Variants in SRFBP1 observed in about 807,000 individuals in gnomAD.
The protein encoded by SRFBP1 is serum response factor-binding protein 1.
In SRFBP1, 47 loss-of-function variants were observed where a neutral mutation model predicts 45.5. The observed-to-expected ratio is 1.03, with a 90% CI of 0.82 to 1.32. The LOEUF (loss-of-function observed/expected upper bound fraction) is 1.32. Among genes scored for constraint, SRFBP1 ranks in the 40% most tolerant of loss-of-function variants. The pLI is 0.00. For missense variants in SRFBP1, 621 were observed against 484.6 expected (o/e 1.28, Z -2.64); for synonymous variants, 203 against 166.3 (o/e 1.22, Z -1.70).
At chr5:122,062,342 C>G (rs914205154) in intron 2 of SRFBP1, among the ~76,000 whole-genome samples, 2 of 151,884 alleles carry the variant, frequency 1.3e-5, no homozygotes, top group Non-Finnish European at 2.9e-5. Context: ...GTGATTTATT[C>G]AACCTGTGTG....
rs1753516178 is a variant in SRFBP1 at position 122,027,803 on chromosome 5, T to A, written c.*677T>A. ...CATGTACTTTTTGATTCTAAAATAG[T>A]TGTCTAGGACAATTTTGGGATTCTT... On this transcript the variant is annotated 3_prime_UTR_variant, in exon 8 of 8. Coordinates refer to ENST00000339397, the MANE Select transcript of SRFBP1 (RefSeq NM_152546.3). 6.6e-6 allele frequency: 1 copy of A among 152,158 alleles called. No individual in the cohort carries two copies. 9.4% of individuals were successfully genotyped at this position (152,158 alleles called of 1,614,324 possible). A position where few individuals can be genotyped will look rare whatever the true frequency, so the allele number is the denominator to read the frequency against.
intron 4 of SRFBP1, among the ~76,000 whole-genome samples, chr5:121,995,742 TC>T (rs1263204691): frequency 1.3e-5 from 2 of 151,260 alleles, no homozygotes; most frequent in Middle Eastern, 3.4e-3. Context: ...TTTGAAAGGA[TC>T]AACAAAATTG....
At chr5:121,975,065 A>C (rs1389296785) in intron 2 of SRFBP1, among the ~76,000 whole-genome samples, 1 of 151,962 alleles carries the variant, frequency 6.6e-6, no homozygotes. Context: ...AAGGCAAACT[A>C]TCAAAAGTAA....
intron 1 of SRFBP1, among the ~76,000 whole-genome samples, chr5:121,968,635 G>T (rs889473103): frequency 2.0e-5 from 3 of 152,132 alleles, no homozygotes; most frequent in Non-Finnish European, 4.4e-5. Context: ...ATAATCTTGT[G>T]TGTAGCCTTT....
chr5:122,007,383 T>G (rs925873411), intron 4 of SRFBP1, among the ~76,000 whole-genome samples: 1 of 151,476 alleles, frequency 6.6e-6, no homozygotes, highest in Admixed American at 6.6e-5. Flanking sequence ...CCATGGGGGC[T>G]GGCTGGGTAT....
At position 122,070,264 on chromosome 5, in the gene SRFBP1, G is replaced by T; in HGVS notation, n.312-5051G>T. 3 of 762,568 alleles carry T rather than the reference G, an allele frequency of 3.9e-6. No individual in the cohort carries two copies. In the South Asian group the frequency reaches 4.7e-5, roughly 12 times the overall value. 47.2% of individuals were successfully genotyped at this position (762,568 alleles called of 1,614,324 possible). A position where few individuals can be genotyped will look rare whatever the true frequency, so the allele number is the denominator to read the frequency against. Reference sequence around the variant, plus strand: ...ACTTAGCTAAATCAAGCAGGGAAGGGATTTTAACTTAAGTAAGTGGTTAAA... The same window carrying T: ...ACTTAGCTAAATCAAGCAGGGAAGGTATTTTAACTTAAGTAAGTGGTTAAA... On this transcript the variant is annotated intron_variant and non_coding_transcript_variant, in intron 2 of 2. Coordinates refer to the SRFBP1 transcript ENST00000504881.
chr5:121,990,191 T>C (rs1382778994), intron 3 of SRFBP1, among the ~76,000 whole-genome samples: 1 of 151,994 alleles, frequency 6.6e-6, no homozygotes, highest in Admixed American at 6.6e-5. Context: ...CAATGGTAGA[T>C]TGAATAAAGA....
intron 2 of SRFBP1, chr5:122,064,763 T>C (rs1452211529): frequency 1.3e-5 from 2 of 151,992 alleles, no homozygotes; most frequent in Non-Finnish European, 2.9e-5. Context: ...TGGCATATAT[T>C]AGGCCTTCAA....
chr5:121,974,580 T>C (rs1752264512), intron 2 of SRFBP1, among the ~76,000 whole-genome samples: 2 of 151,916 alleles, frequency 1.3e-5, no homozygotes, highest in South Asian at 2.1e-4. Flanking sequence ...TTTTGTGTTA[T>C]CAGAAGTTAT....
In SRFBP1 at chr5:122,027,412, A is replaced by AT. The variant is rs11392277; in HGVS notation, c.*295dup. 0.041 allele frequency: 7,838 copies of AT among 189,826 alleles called. 188 individuals carry two copies. Among genetic ancestry groups the AT allele is most frequent in the African/African-American group, 0.06 (2,589 of 42,802 alleles). The allele number at this position is 189,826 out of a possible 1,614,324, so 11.8% of individuals were successfully genotyped here. On this transcript the variant is annotated 3_prime_UTR_variant, in exon 8 of 8. Coordinates refer to ENST00000339397, the MANE Select transcript of SRFBP1 (RefSeq NM_152546.3). ...AGAATTATAGAATGTTTGTTTTTGTATTTTTTTTTAAAGTAAATTCAACTT... is the reference window on the plus strand; with the variant it reads ...AGAATTATAGAATGTTTGTTTTTGTATTTTTTTTTTAAAGTAAATTCAACTT...
At chr5:122,009,371 C>T (rs750158188) in intron 4 of SRFBP1, among the ~76,000 whole-genome samples, 1 of 152,012 alleles carries the variant, frequency 6.6e-6, no homozygotes, top group Non-Finnish European at 1.5e-5. Flanking sequence ...ATACAATTTC[C>T]TCATTTTAAT....
chr5:122,007,676 G>A (rs547210974), intron 4 of SRFBP1, among the ~76,000 whole-genome samples: 24 of 149,804 alleles, frequency 1.6e-4, no homozygotes, highest in Non-Finnish European at 3.3e-4. Flanking sequence ...CTGGTCCAGT[G>A]GGAGTTTTCT....
At chr5:122,069,501 G>C (rs1299835008) in intron 2 of SRFBP1, among the ~76,000 whole-genome samples, 1 of 152,040 alleles carries the variant, frequency 6.6e-6, no homozygotes, top group Admixed American at 6.6e-5. Context: ...AGAGTCTCAG[G>C]AGTAGGAATA....
intron 1 of SRFBP1, among the ~76,000 whole-genome samples, chr5:121,962,292 G>T (rs918460891): frequency 1.2e-4 from 18 of 152,236 alleles, no homozygotes; most frequent in African/African-American, 3.9e-4. Flanking sequence ...ATTTATGTCT[G>T]TGGGACTTTG....
intron 1 of SRFBP1, among the ~76,000 whole-genome samples, chr5:121,966,568 T>C (rs1419018444): frequency 6.6e-6 from 1 of 152,186 alleles, no homozygotes; most frequent in East Asian, 1.9e-4. Context: ...AAATGCACAA[T>C]TGAAAACAAC....
chr5:122,038,071 C>G (rs115885883), intron 2 of SRFBP1, among the ~76,000 whole-genome samples: 1,628 of 152,248 alleles, frequency 0.011, 29 homozygotes, highest in African/African-American at 0.037. Flanking sequence ...AGATGGATGC[C>G]TACCTTTTTA....
intron 3 of SRFBP1, among the ~76,000 whole-genome samples, chr5:121,975,803 T>C (rs1206287781): frequency 6.6e-6 from 1 of 152,036 alleles, no homozygotes; most frequent in African/African-American, 2.4e-5. Flanking sequence ...TTTTTATGTA[T>C]TGGTATCGGC....
At chr5:122,054,293 C>T (rs533447543) in intron 2 of SRFBP1, among the ~76,000 whole-genome samples, 29 of 152,218 alleles carry the variant, frequency 1.9e-4, no homozygotes, top group Non-Finnish European at 3.4e-4. Context: ...GCATGAATCC[C>T]CCTAGAGGCT....
intron 2 of SRFBP1, chr5:122,069,991 T>C: frequency 8.6e-7 from 1 of 1,158,558 alleles, no homozygotes; most frequent in Non-Finnish European, 1.3e-6. Context: ...CTATGTATAA[T>C]GTTTGGCATG....
Sources: gnomAD v4.1 joint callset for allele counts (sites outside exome capture counted in the v4.1 genomes callset) on GRCh38, gnomAD v4.1.1 for gene constraint, MANE v1.5 for transcripts, NCBI Gene and HGNC (gene_info 2026-07-23, HGNC 2026-07-21) for gene names.